The following CCN4 variants were observed in gnomAD, a reference collection of about 807,000 sequenced individuals.
The protein encoded by CCN4 is cellular communication network factor 4, also known as CCN family member 4.
In CCN4, 30 loss-of-function variants were observed where a neutral mutation model predicts 36.7. That is an observed-to-expected ratio of 0.82 (90% CI 0.61 to 1.11). CCN4 has a LOEUF of 1.11. Ranked by LOEUF, CCN4 falls within the 50% of genes least tolerant of loss-of-function variation. The pLI, the probability that CCN4 is intolerant of heterozygous loss-of-function variation, is 0.00. For missense variants in CCN4, 505 were observed against 504.9 expected (o/e 1.00, Z 0.00); for synonymous variants, 191 against 195.4 (o/e 0.98, Z 0.19).
chr8:133,206,342 G>A lies in CCN4; in HGVS notation c.70-6522G>A, dbSNP rs192761284. ...TCCCCAGACAGCAGGAAAGGGTGGGGCTGGTGGTACCTGGGCCCTTGGATG... is the reference window on the plus strand; with the variant it reads ...TCCCCAGACAGCAGGAAAGGGTGGGACTGGTGGTACCTGGGCCCTTGGATG... On this transcript the variant is annotated intron_variant, in intron 1 of 4. Transcript: ENST00000250160. 1.8e-3 allele frequency among the ~76,000 whole-genome samples: 268 copies of A among 152,322 alleles called. 3 individuals carry two copies. In the South Asian group the frequency reaches 0.027, roughly 16 times the overall value.
At chr8:133,216,350 C>A (rs1160762691) in intron 2 of CCN4, among the ~76,000 whole-genome samples, 2 of 152,132 alleles carry the variant, frequency 1.3e-5, no homozygotes, top group East Asian at 3.9e-4. Flanking sequence ...GCAACCCTGG[C>A]TTATATAACT....
chr8:133,207,097 GC>G (rs1298243560), intron 1 of CCN4, among the ~76,000 whole-genome samples: 1 of 152,222 alleles, frequency 6.6e-6, no homozygotes, highest in African/African-American at 2.4e-5. Flanking sequence ...CCCTGCTCAT[GC>G]AGGGACAGAT....
chr8:133,217,568 T>TGG (rs1301697538), intron 2 of CCN4, among the ~76,000 whole-genome samples: 1 of 152,120 alleles, frequency 6.6e-6, no homozygotes, highest in Non-Finnish European at 1.5e-5. Context: ...CACTAGCCTG[T>TGG]GGTGGGCAGG....
chr8:133,199,053 C>A (rs1403770188), intron 1 of CCN4, among the ~76,000 whole-genome samples: 1 of 152,196 alleles, frequency 6.6e-6, no homozygotes. Flanking sequence ...TGGGAGGGAA[C>A]ACCACTGATT....
chr8:133,201,503 AG>A (rs1397835960), intron 1 of CCN4, among the ~76,000 whole-genome samples: 1 of 152,122 alleles, frequency 6.6e-6, no homozygotes, highest in Non-Finnish European at 1.5e-5. Flanking sequence ...GGAGAATTTC[AG>A]GTAAAATCTC....
chr8:133,210,400 T>C, intron 1 of CCN4, among the ~76,000 whole-genome samples: 1 of 130,878 alleles, frequency 7.6e-6, no homozygotes, highest in East Asian at 2.0e-4. Context: ...TGTGTGTGTG[T>C]GTGTGTGTGT....
At chr8:133,198,016 T>A (rs1348136225) in intron 1 of CCN4, among the ~76,000 whole-genome samples, 1 of 152,130 alleles carries the variant, frequency 6.6e-6, no homozygotes, top group Admixed American at 6.5e-5. Flanking sequence ...CAGGGGGAAA[T>A]AGCTCCTGCT....
chr8:133,227,354 A>C, intron 4 of CCN4, 57 bp from the exon 5 acceptor site: 1 of 1,530,312 alleles, frequency 6.5e-7, no homozygotes, highest in Non-Finnish European at 8.8e-7. Flanking sequence ...TCAGGGGAAG[A>C]AGGTGGTTGT....
rs574361897 is a variant in CCN4, at chr8:133,220,736, C to T, written c.505C>T (p.His169Tyr). Residue 169 changes from histidine to tyrosine, a missense_variant, in exon 3 of 5, where the codon CAC (histidine) becomes TAC (tyrosine). By Grantham distance (83) the His-to-Tyr change is moderately conservative. Transcript: ENST00000250160. Reference sequence around the variant, plus strand: ...GCGCCCCCCGCGTCTCTGGTGCCCCCACCCGCGGCGCGTGAGCATACCTGG... The same window carrying T: ...GCGCCCCCCGCGTCTCTGGTGCCCCTACCCGCGGCGCGTGAGCATACCTGG... The part of the protein sequence containing the change: ...RVRPPRLWCP[H>Y]PRRVSIPGHC... 6.2e-7 allele frequency: 1 copy of T among 1,613,598 alleles called. No individual in the cohort carries two copies. Among genetic ancestry groups the T allele is most frequent in the East Asian group, 2.2e-5 (1 of 44,866 alleles).
At position 133,220,192 on chromosome 8, in the gene CCN4, G is replaced by A. The variant is rs566932805; in HGVS notation, c.350-389G>A. On this transcript the variant is annotated intron_variant, in intron 2 of 4. Transcript: ENST00000250160. ...TGGAACACGTGTTTCGAAGTGTTCTGGCTTTTTTTTTACAAGTCGGTCACC... is the reference window on the plus strand; with the variant it reads ...TGGAACACGTGTTTCGAAGTGTTCTAGCTTTTTTTTTACAAGTCGGTCACC... Among the ~76,000 whole-genome samples, 3 of 149,264 alleles carry A rather than the reference G, an allele frequency of 2.0e-5. 1 individual carries two copies. In the South Asian group the frequency reaches 6.8e-4, roughly 34 times the overall value.
rs59929763 is a variant in CCN4, at chr8:133,224,229, C to CTTTTTTTTTTTTTTTTTTTTTTTTTTTTT, written c.611-1160_611-1132dup. 1.1e-4 allele frequency among the ~76,000 whole-genome samples: 10 copies of CTTTTTTTTTTTTTTTTTTTTTTTTTTTTT among 88,494 alleles called. 5 individuals are homozygous for CTTTTTTTTTTTTTTTTTTTTTTTTTTTTT. Among genetic ancestry groups the CTTTTTTTTTTTTTTTTTTTTTTTTTTTTT allele is most frequent in the Admixed American group, 2.9e-4 (2 of 6,874 alleles). The allele number at this position is 88,494 out of a possible 152,430, so 58.1% of individuals were successfully genotyped here. ...GATTTGAATTTGAAGCCCGTAAGTC[C>CTTTTTTTTTTTTTTTTTTTTTTTTTTTTT]TTTTTTTTTTTTTTTTTTTTTTTTT... On this transcript the variant is annotated intron_variant, in intron 3 of 4. Coordinates refer to ENST00000250160, the MANE Select transcript of CCN4 (RefSeq NM_003882.4).
chr8:133,217,669 C>A (rs972417484), intron 2 of CCN4, among the ~76,000 whole-genome samples: 3 of 152,110 alleles, frequency 2.0e-5, no homozygotes. Context: ...GGTTTTCAAC[C>A]TTAGCTGCAA....
In CCN4 at chr8:133,227,741, AC is replaced by A. The variant is rs1319501590; in HGVS notation, c.*34del. On this transcript the variant is annotated 3_prime_UTR_variant, in exon 5 of 5. Coordinates refer to ENST00000250160, the MANE Select transcript of CCN4 (RefSeq NM_003882.4). ...CACAAATCTTGGGTCTTGGGGACTAACCCAATGCCTGTGAAGCAGTCAGCCC... is the reference window on the plus strand; with the variant it reads ...CACAAATCTTGGGTCTTGGGGACTAACCAATGCCTGTGAAGCAGTCAGCCC... The A allele has an allele frequency of 1.3e-6, 2 of 1,593,860 alleles. No individual in the cohort carries two copies. Among genetic ancestry groups the A allele is most frequent in the Non-Finnish European group, 1.7e-6 (2 of 1,168,842 alleles).
At chr8:133,196,790 G>A (rs1853402723) in intron 1 of CCN4, among the ~76,000 whole-genome samples, 1 of 152,214 alleles carries the variant, frequency 6.6e-6, no homozygotes, top group Non-Finnish European at 1.5e-5. Flanking sequence ...CCAAGGGAAG[G>A]ATTCTATTGT....
At chr8:133,199,314 G>A (rs748914567) in intron 1 of CCN4, among the ~76,000 whole-genome samples, 3 of 152,222 alleles carry the variant, frequency 2.0e-5, no homozygotes, top group Non-Finnish European at 2.9e-5. Context: ...TCTAGGCAGG[G>A]TAGTGCGGTG....
intron 1 of CCN4, among the ~76,000 whole-genome samples, chr8:133,195,196 G>A (rs1221718691): frequency 1.3e-5 from 2 of 148,714 alleles, no homozygotes; most frequent in Non-Finnish European, 3.0e-5. Flanking sequence ...TGGTGTGTGT[G>A]TGGTGTGTGT....
intron 1 of CCN4, among the ~76,000 whole-genome samples, chr8:133,201,898 TG>T (rs1182901277): frequency 1.3e-5 from 2 of 151,614 alleles, no homozygotes; most frequent in Non-Finnish European, 2.9e-5. Context: ...GTGGGGAAAA[TG>T]GAAGGAACAA....
At chr8:133,223,223 G>A (rs1469670858) in intron 3 of CCN4, among the ~76,000 whole-genome samples, 1 of 152,086 alleles carries the variant, frequency 6.6e-6, no homozygotes, top group Non-Finnish European at 1.5e-5. Context: ...GGGGAGCAGG[G>A]AGGCAGAAGC....
At chr8:133,194,447 G>GTT (rs1309961841) in intron 1 of CCN4, among the ~76,000 whole-genome samples, 3 of 38,042 alleles carry the variant, frequency 7.9e-5, no homozygotes, top group African/African-American at 2.7e-4. Context: ...TGTGTGGTGT[G>GTT]TGTGTGGTAT....
Sources: allele counts gnomAD v4.1 joint callset (sites outside exome capture counted in the v4.1 genomes callset), GRCh38; gene constraint gnomAD v4.1.1; transcripts MANE v1.5; gene names NCBI Gene and HGNC (gene_info 2026-07-23, HGNC 2026-07-21).